HPSE2: variants seen among roughly 807,000 people sequenced by gnomAD.
HPSE2 encodes the protein inactive heparanase-2.
In HPSE2, 38 loss-of-function variants were observed where a neutral mutation model predicts 60.5. The observed-to-expected ratio is 0.63, with a 90% CI of 0.48 to 0.82. HPSE2 has a LOEUF of 0.82. Among genes scored for constraint, HPSE2 ranks in the 40% least tolerant of loss-of-function variants. The pLI is 0.00. For synonymous variants in HPSE2, 295 were observed against 293.2 expected (o/e 1.01, Z -0.06); for missense variants, 713 against 740.4 (o/e 0.96, Z 0.43).
At chr10:98,840,575 G>C (rs1018721733) in intron 3 of HPSE2, among the ~76,000 whole-genome samples, 1 of 152,154 alleles carries the variant, frequency 6.6e-6, no homozygotes, top group African/African-American at 2.4e-5. Flanking sequence ...GATAGACTCC[G>C]CAGGGCTTGA....
intron 2 of HPSE2, among the ~76,000 whole-genome samples, chr10:99,201,465 T>C (rs1848573341): frequency 6.6e-6 from 1 of 152,144 alleles, no homozygotes; most frequent in Non-Finnish European, 1.5e-5. Context: ...CAATCCTTCC[T>C]TGACTCCCTA....
intron 3 of HPSE2, among the ~76,000 whole-genome samples, chr10:99,065,196 CATGTT>C (rs1318694387): frequency 6.6e-6 from 1 of 152,064 alleles, no homozygotes; most frequent in East Asian, 1.9e-4. Flanking sequence ...ACAATATAAA[CATGTT>C]ATGATGTTAT....
chr10:98,811,705 A>C (rs1366794399), intron 3 of HPSE2, among the ~76,000 whole-genome samples: 1 of 152,300 alleles, frequency 6.6e-6, no homozygotes, highest in Non-Finnish European at 1.5e-5. Flanking sequence ...GTTGATTTTG[A>C]CCAAAAAAAT....
chr10:98,471,195 C>A (rs1940765629), intron 11 of HPSE2, among the ~76,000 whole-genome samples: 1 of 152,204 alleles, frequency 6.6e-6, no homozygotes, highest in South Asian at 2.1e-4. Flanking sequence ...AGATACAAAT[C>A]ATCTGGGATC....
intron 9 of HPSE2, among the ~76,000 whole-genome samples, chr10:98,498,789 A>G (rs1363045151): frequency 6.6e-6 from 1 of 152,254 alleles, no homozygotes; most frequent in Non-Finnish European, 1.5e-5. Flanking sequence ...AAGGAAATAG[A>G]TAGCATAAAG....
intron 3 of HPSE2, among the ~76,000 whole-genome samples, chr10:98,765,315 A>G (rs1166041220): frequency 6.6e-6 from 1 of 152,240 alleles, no homozygotes; most frequent in Non-Finnish European, 1.5e-5. Flanking sequence ...TTATATGACC[A>G]TAATGGCATT....
At position 98,797,021 on chromosome 10, in the gene HPSE2, C is replaced by T. The variant is rs200623492; in HGVS notation, c.611-52965G>A. On this transcript the variant is annotated intron_variant, in intron 3 of 11. Coordinates refer to ENST00000370552, the MANE Select transcript of HPSE2 (RefSeq NM_021828.5). ...GGAAAGCATTCTCAAGAAGGACAGGCGCAAATAAGCCCAGACTGTGAAGAC... is the reference window on the plus strand; with the variant it reads ...GGAAAGCATTCTCAAGAAGGACAGGTGCAAATAAGCCCAGACTGTGAAGAC... Among the ~76,000 whole-genome samples, 11 of 152,250 alleles carry T rather than the reference C, an allele frequency of 7.2e-5. No homozygotes were observed. The East Asian group carries it at 9.7e-4, about 13-fold the overall frequency.
chr10:99,293,869 T>C, the HPSE2 span, among the ~76,000 whole-genome samples: 1 of 152,212 alleles, frequency 6.6e-6, no homozygotes, highest in South Asian at 2.1e-4. Flanking sequence ...AAATGTCTTA[T>C]TCTCTCAGTC....
chr10:98,741,248 T>C (rs928765199), intron 4 of HPSE2, among the ~76,000 whole-genome samples: 1 of 152,142 alleles, frequency 6.6e-6, no homozygotes, highest in Admixed American at 6.5e-5. Flanking sequence ...TTTTTGTTCT[T>C]TTCCTATCTA....
chr10:99,163,158 C>T (rs2133775730), intron 2 of HPSE2, among the ~76,000 whole-genome samples: 1 of 151,686 alleles, frequency 6.6e-6, no homozygotes, highest in African/African-American at 2.4e-5. Context: ...TTGCAGTGAG[C>T]CAAGATCTCG....
chr10:98,878,955 GGAAGTCAA>G (rs1952946861), intron 3 of HPSE2, among the ~76,000 whole-genome samples: 1 of 151,806 alleles, frequency 6.6e-6, no homozygotes, highest in Admixed American at 6.6e-5. Context: ...AGGGAAAGAG[GGAAGTCAA>G]GAATGACTTC....
At chr10:98,904,060 T>C (rs1953740517) in intron 3 of HPSE2, among the ~76,000 whole-genome samples, 1 of 152,188 alleles carries the variant, frequency 6.6e-6, no homozygotes. Flanking sequence ...TGTAAACATG[T>C]CTACAAAAGT....
chr10:98,642,675 TC>T (rs1946669176), intron 6 of HPSE2, among the ~76,000 whole-genome samples: 1 of 152,232 alleles, frequency 6.6e-6, no homozygotes, highest in Admixed American at 6.5e-5. Flanking sequence ...AACAGGCCCA[TC>T]CAGCTTTGTG....
chr10:98,603,458 TC>T, intron 9 of HPSE2, among the ~76,000 whole-genome samples: 1 of 125,298 alleles, frequency 8.0e-6, no homozygotes. Context: ...TTTGACAGAG[TC>T]TTGCTCTGTC....
At chr10:98,461,171 A>T (rs17457603) in intron 11 of HPSE2, among the ~76,000 whole-genome samples, 19,431 of 152,302 alleles carry the variant, frequency 0.13, 1,371 homozygotes, top group Non-Finnish European at 0.17. Flanking sequence ...AATCAGACCC[A>T]TGCCCAATAG....
At chr10:99,240,558 C>G (rs567750548), upstream of HPSE2, among the ~76,000 whole-genome samples, 1 of 152,048 alleles carries the variant, frequency 6.6e-6, no homozygotes, top group African/African-American at 2.4e-5. Context: ...CTACAGGCAC[C>G]TGCCACCATG....
At chr10:99,091,275 C>G (rs2135597751) in intron 3 of HPSE2, among the ~76,000 whole-genome samples, 1 of 152,238 alleles carries the variant, frequency 6.6e-6, no homozygotes, top group East Asian at 1.9e-4. Context: ...AGAACTACAA[C>G]TAAACTTATT....
chr10:98,713,905 T>A (rs1031022818), intron 5 of HPSE2, among the ~76,000 whole-genome samples: 1 of 151,960 alleles, frequency 6.6e-6, no homozygotes, highest in Non-Finnish European at 1.5e-5. Context: ...ATTTTCTGAA[T>A]CATCATATAT....
At chr10:99,210,105 C>T (rs1848906272) in intron 2 of HPSE2, among the ~76,000 whole-genome samples, 2 of 151,820 alleles carry the variant, frequency 1.3e-5, no homozygotes, top group African/African-American at 2.4e-5. Context: ...CAACTTGTAC[C>T]GCAGAAACAC....
Sources: gnomAD v4.1 joint callset for allele counts (sites outside exome capture counted in the v4.1 genomes callset) on GRCh38, gnomAD v4.1.1 for gene constraint, MANE v1.5 for transcripts, NCBI Gene and HGNC (gene_info 2026-07-23, HGNC 2026-07-21) for gene names.